The following NRP1 variants were observed in gnomAD, a reference collection of about 807,000 sequenced individuals.
The protein encoded by NRP1 is neuropilin 1, also known as neuropilin-1.
A neutral mutation model predicts 106.7 loss-of-function variants in NRP1; 35 were observed. That is an observed-to-expected ratio of 0.33 (90% CI 0.25 to 0.43). The LOEUF is 0.43. Ranked by LOEUF, NRP1 falls within the 20% of genes least tolerant of loss-of-function variation. The pLI is 1.00. For missense variants in NRP1, 1,024 were observed against 1,170.4 expected (o/e 0.87, Z 1.83); for synonymous variants, 437 against 417.9 (o/e 1.05, Z -0.56).
Position 33,180,116 on chromosome 10 carries a change from T to C in NRP1, c.2732A>G (p.Lys911Arg). The C allele has an allele frequency of 2.5e-6, 4 of 1,614,178 alleles. No individual in the cohort carries two copies. Among genetic ancestry groups the C allele is most frequent in the Non-Finnish European group, 3.4e-6 (4 of 1,180,030 alleles). ...AGTACTCTGTGTATTCAGTTTGTCT[T>C]TTTTCAACTTCACACCATCCACAAG... ...FELVDGVKLK[K>R]DKLNTQSTYS... Residue 911 changes from lysine (K) to arginine (R), a missense_variant, in exon 17 of 17, where the codon AAA becomes AGA. Transcript: ENST00000374867.
Position 33,334,533 on chromosome 10 carries a change from G to C in NRP1, c.-151C>G. ...CGTCTTGGAGAAAAGAAAGCAGCGA[G>C]GCAATGCCTGGATCCGAGAGGAACG... is the stretch of plus-strand genomic sequence containing the variant. On this transcript the variant is annotated 5_prime_UTR_variant, in exon 1 of 17. Coordinates refer to ENST00000374867, the MANE Select transcript of NRP1 (RefSeq NM_003873.7). 1 of 631,990 alleles carries C rather than the reference G, an allele frequency of 1.6e-6. No individual in the cohort carries two copies. The highest frequency in any genetic ancestry group is 2.7e-6 in the Non-Finnish European group (1 of 374,302). 39.1% of individuals were successfully genotyped at this position (631,990 alleles called of 1,614,324 possible).
chr10:33,328,033 A>T (rs1848016176), intron 2 of NRP1, among the ~76,000 whole-genome samples: 1 of 152,134 alleles, frequency 6.6e-6, no homozygotes, highest in South Asian at 2.1e-4. Context: ...CTCAGTTGGG[A>T]CAATTAAGAA....
intron 2 of NRP1, among the ~76,000 whole-genome samples, chr10:33,297,929 C>A (rs1480505772): frequency 1.3e-5 from 2 of 151,884 alleles, no homozygotes; most frequent in Non-Finnish European, 2.9e-5. Context: ...AAAAAAAAAT[C>A]CCCTGGAATC....
intron 3 of NRP1, among the ~76,000 whole-genome samples, chr10:33,265,423 G>A (rs1842857474): frequency 6.6e-6 from 1 of 152,218 alleles, no homozygotes; most frequent in Admixed American, 6.5e-5. Context: ...TGTTGAGATT[G>A]TTCTTAACTA....
In NRP1 at chr10:33,213,582, A is replaced by G. The variant is rs766287742; in HGVS notation, c.1418T>C (p.Leu473Pro). 1 of 1,613,938 alleles carries G rather than the reference A, an allele frequency of 6.2e-7. No individual in the cohort carries two copies. The highest frequency in any genetic ancestry group is 1.3e-5 in the African/African-American group (1 of 74,896). The change falls in exon 9 of 17, where the codon CTT becomes CCT. Residue 473 changes from leucine to proline, a missense_variant. By Grantham distance (98) the Leu-to-Pro change is moderately conservative. This residue lies in a region of NRP1 where 562 missense variants were observed against 620.3 expected (regional missense o/e 0.91). Coordinates refer to ENST00000374867, the MANE Select transcript of NRP1 (RefSeq NM_003873.7). ...GATGTAGGAATGAGGTGCGGGTGGA[A>G]GTGCCCAGCCAGAGCGACTGGTTAC... ...RLVTSRSGWA[L>P]PPAPHSYINE...
chr10:33,274,185 G>C, intron 2 of NRP1, among the ~76,000 whole-genome samples: 1 of 152,098 alleles, frequency 6.6e-6, no homozygotes, highest in Non-Finnish European at 1.5e-5. Flanking sequence ...CAGTTTCAAC[G>C]TTAGGGTGTA....
At chr10:33,186,611 T>C (rs1836024775) in intron 13 of NRP1, 123 bp from the exon 14 acceptor site, 4 of 1,143,264 alleles carry the variant, frequency 3.5e-6, no homozygotes, top group Non-Finnish European at 4.9e-6. Flanking sequence ...AAATACGTAG[T>C]GGAAAGGGAT....
At chr10:33,299,933 C>G (rs528464261) in intron 2 of NRP1, among the ~76,000 whole-genome samples, 1 of 152,306 alleles carries the variant, frequency 6.6e-6, no homozygotes, top group Non-Finnish European at 1.5e-5. Flanking sequence ...ATTGACTGCT[C>G]TCTACTTCTC....
intron 6 of NRP1, among the ~76,000 whole-genome samples, chr10:33,251,269 T>C (rs989631301): frequency 6.6e-6 from 1 of 151,908 alleles, no homozygotes; most frequent in Non-Finnish European, 1.5e-5. Context: ...TGATCTTAAC[T>C]TTCCTGCTTC....
At chr10:33,210,277 G>A (rs1024728784) in intron 9 of NRP1, among the ~76,000 whole-genome samples, 3 of 151,624 alleles carry the variant, frequency 2.0e-5, no homozygotes, top group Non-Finnish European at 4.4e-5. Context: ...TTGAGACTCT[G>A]ACACATATTA....
chr10:33,222,496 A>G (rs1839327375), intron 7 of NRP1, among the ~76,000 whole-genome samples: 1 of 138,772 alleles, frequency 7.2e-6, no homozygotes, highest in Non-Finnish European at 1.6e-5. Context: ...CTTGTGCGTC[A>G]AGATTTATTT....
intron 15 of NRP1, among the ~76,000 whole-genome samples, chr10:33,184,432 C>G (rs1027005216): frequency 1.3e-5 from 2 of 152,164 alleles, no homozygotes; most frequent in African/African-American, 4.8e-5. Flanking sequence ...AATTTAATTT[C>G]GTTTCTTTGT....
intron 11 of NRP1, among the ~76,000 whole-genome samples, chr10:33,198,215 C>A (rs906600820): frequency 6.7e-6 from 1 of 149,934 alleles, no homozygotes; most frequent in Admixed American, 6.7e-5. Context: ...AATCTCGGCT[C>A]ACTACAACCT....
chr10:33,265,078 C>T (rs1345468424), intron 3 of NRP1, among the ~76,000 whole-genome samples: 1 of 152,096 alleles, frequency 6.6e-6, no homozygotes, highest in African/African-American at 2.4e-5. Context: ...CCACTGCACT[C>T]CAGCCTGGGT....
In NRP1 at chr10:33,254,089, C is replaced by T. The variant is rs749859903; in HGVS notation, c.920G>A (p.Arg307His). The T allele has an allele frequency of 1.2e-6, 2 of 1,613,946 alleles. No homozygotes were observed. The highest frequency in any genetic ancestry group is 1.7e-6 in the Non-Finnish European group (2 of 1,179,984). ...YSTNWSAERSRLNYPENGWTP... is the reference protein window; with the variant it reads ...YSTNWSAERSHLNYPENGWTP... ...CCACCCATTCTCAGGGTAGTTCAGG[C>T]GGGAGCGCTCTGCAGACCAGTTGGT... is the stretch of plus-strand genomic sequence containing the variant. The change falls in exon 6 of 17, where the codon CGC becomes CAC. Residue 307 changes from arginine (R) to histidine (H), a missense_variant. Physicochemically the swap from Arg to His is conservative, Grantham distance 29. Around this residue, in one of 5 missense-constraint regions of NRP1, gnomAD observed 562 missense variants for 620.3 expected, o/e 0.91. Transcript: ENST00000374867.
Position 33,330,729 on chromosome 10 carries a change from T to C in NRP1, c.227A>G (p.Asp76Gly), listed in dbSNP as rs1285825996. 26 of 1,612,774 alleles carry C rather than the reference T, an allele frequency of 1.6e-5. No individual in the cohort carries two copies. The highest frequency in any genetic ancestry group is 2.1e-5 in the Non-Finnish European group (25 of 1,179,296). The change falls in exon 2 of 17, where the codon GAT (aspartate) becomes GGT (glycine). Residue 76 changes from aspartate (D) to glycine (G), a missense_variant. Physicochemically the swap from Asp to Gly is moderately conservative, Grantham distance 94 (BLOSUM62 -1). Around this residue, in one of 5 missense-constraint regions of NRP1, gnomAD observed 279 missense variants for 327.4 expected, o/e 0.85. Transcript: ENST00000374867. ...TTACTTGCAGTCTCTGTCCTCCAAATCGAAGTGAGGGTTGAAGTTGATCAT... is the reference window on the plus strand; with the variant it reads ...TTACTTGCAGTCTCTGTCCTCCAAACCGAAGTGAGGGTTGAAGTTGATCAT... The part of the protein sequence containing the change: ...RIMINFNPHF[D>G]LEDRDCKYDY...
At chr10:33,250,883 G>A (rs888207691) in intron 6 of NRP1, among the ~76,000 whole-genome samples, 1 of 152,152 alleles carries the variant, frequency 6.6e-6, no homozygotes, top group South Asian at 2.1e-4. Context: ...CTAGCCAGGT[G>A]GGGCCACAGC....
At position 33,256,430 on chromosome 10, in the gene NRP1, C is replaced by A; in HGVS notation, c.700G>T (p.Gly234Cys). Residue 234 changes from glycine to cysteine, a missense_variant, in exon 5 of 17, where the codon GGT (glycine) becomes TGT (cysteine). Physicochemically the swap from Gly to Cys is radical, Grantham distance 159. Transcript: ENST00000374867. The part of the protein sequence containing the change: ...IGRYCGQKTP[G>C]RIRSSSGILS... ...ATGCCCGATGAGGATCGGATTCGAC[C>A]TGGTGTTTTCTGTCCACAGTAACGC... 3 of 1,614,186 alleles carry A rather than the reference C, an allele frequency of 1.9e-6. No homozygotes were observed. The highest frequency in any genetic ancestry group is 2.5e-6 in the Non-Finnish European group (3 of 1,180,014).
At chr10:33,272,645 C>A (rs922559219) in intron 2 of NRP1, among the ~76,000 whole-genome samples, 6 of 152,100 alleles carry the variant, frequency 3.9e-5, no homozygotes, top group Non-Finnish European at 8.8e-5. Context: ...CATTAAAGCC[C>A]CACAAGCTAG....
Sources: allele counts gnomAD v4.1 joint callset (sites outside exome capture counted in the v4.1 genomes callset), GRCh38; gene constraint gnomAD v4.1.1; regional missense constraint gnomAD v4.1.1; transcripts MANE v1.5; gene names NCBI Gene and HGNC (gene_info 2026-07-23, HGNC 2026-07-21).